CA1: variants seen among roughly 807,000 people sequenced by gnomAD.
CA1 encodes carbonate dehydratase I.
In CA1, 27 loss-of-function variants were observed where a neutral mutation model predicts 28.8. The ratio of observed to expected loss-of-function variants is 0.94; its 90% CI spans 0.69 to 1.29. CA1 has a LOEUF of 1.29. CA1 is among the 50% of genes most tolerant of loss of function. The probability of loss-of-function intolerance (pLI) is 0.00; values close to 1 mark genes in which losing one functional copy is unlikely to be tolerated. For synonymous variants in CA1, 121 were observed against 108.8 expected, an observed-to-expected ratio of 1.11 and a Z score of -0.70; for missense variants, 335 against 310.5, an observed-to-expected ratio of 1.08 and a Z score of -0.59.
chr8:85,341,705 T>C, intron 1 of CA1, 46 bp from the exon 2 acceptor site: 1 of 1,017,598 alleles, frequency 9.8e-7, no homozygotes, highest in East Asian at 2.4e-5. Context: ...CAACTGTGCA[T>C]GCAGGAGATG....
At chr8:85,361,788 A>G (rs966552620) in intron 1 of CA1, among the ~76,000 whole-genome samples, 1 of 152,188 alleles carries the variant, frequency 6.6e-6, no homozygotes, top group African/African-American at 2.4e-5. Context: ...TGTGGATTGC[A>G]CCTCATCCTT....
chr8:85,344,277 A>T (rs1490126810), intron 1 of CA1, among the ~76,000 whole-genome samples: 1 of 63,796 alleles, frequency 1.6e-5, no homozygotes. Flanking sequence ...ATATATAATT[A>T]TATATTATAT....
intron 1 of CA1, among the ~76,000 whole-genome samples, chr8:85,346,539 A>C (rs1488503165): frequency 1.3e-5 from 2 of 152,144 alleles, no homozygotes; most frequent in African/African-American, 2.4e-5. Context: ...AGACCGGTGG[A>C]TCACCTGAGT....
chr8:85,339,303 A>C (rs1397621177), intron 2 of CA1, among the ~76,000 whole-genome samples: 1 of 152,172 alleles, frequency 6.6e-6, no homozygotes, highest in Non-Finnish European at 1.5e-5. Context: ...TAATTCTCAC[A>C]ATATTTTAAA....
chr8:85,350,030 AG>A (rs1809346040), intron 1 of CA1: 1 of 152,174 alleles, frequency 6.6e-6, no homozygotes, highest in Non-Finnish European at 1.5e-5. Flanking sequence ...TTTATGCAAA[AG>A]GTTACTTGGG....
chr8:85,332,886 T>C (rs1397992818), intron 5 of CA1, among the ~76,000 whole-genome samples: 1 of 152,134 alleles, frequency 6.6e-6, no homozygotes, highest in Non-Finnish European at 1.5e-5. Context: ...GTTATATTAG[T>C]TTTCATTACT....
chr8:85,332,320 G>C (rs1808440013), intron 6 of CA1, 170 bp downstream of exon 6: 3 of 610,720 alleles, frequency 4.9e-6, no homozygotes, highest in Admixed American at 5.7e-5. Flanking sequence ...ACAATTCCCT[G>C]CATTAGAGAC....
intron 4 of CA1, among the ~76,000 whole-genome samples, chr8:85,336,421 T>A (rs1808655333): frequency 6.6e-6 from 1 of 152,114 alleles, no homozygotes; most frequent in South Asian, 2.1e-4. Flanking sequence ...TGTCCTGAAA[T>A]AAGTCACAAA....
Position 85,341,606 on chromosome 8 carries a change from GT to G in CA1, c.29del (p.Asp10AlafsTer36), listed in dbSNP as rs1460574405. The stretch of plus-strand genomic sequence containing the variant: ...AAACAGGAGAACTCTTACCATTTTT[GT>G]CATCATATCCCCAGTCTGGACTTGC... MASPDWGYDDKNGPEQWSKL... is the reference protein window; with the variant it reads MASPDWGYDXKNGPEQWSKL... On this transcript the variant is annotated frameshift_variant, in exon 2 of 8. Transcript: ENST00000523022. LOFTEE classifies it high-confidence loss of function. The G allele has an allele frequency of 1.3e-6, 2 of 1,591,612 alleles. No homozygotes were observed. The highest frequency in any genetic ancestry group is 8.6e-7 in the Non-Finnish European group (1 of 1,159,988).
chr8:85,377,861 G>T (rs74992453), intron 1 of CA1, among the ~76,000 whole-genome samples, 185 bp downstream of exon 1: 2,372 of 152,196 alleles, frequency 0.016, 29 homozygotes, highest in South Asian at 0.049. Context: ...ACAGAGATCT[G>T]CTTGATAAAT....
At chr8:85,344,124 T>TA (rs1809034903) in intron 1 of CA1, among the ~76,000 whole-genome samples, 1 of 137,926 alleles carries the variant, frequency 7.3e-6, no homozygotes, top group Non-Finnish European at 1.5e-5. Flanking sequence ...ATATATAAAA[T>TA]TTAAATTTAT....
chr8:85,370,991 C>T (rs1810201779), intron 1 of CA1, among the ~76,000 whole-genome samples: 1 of 152,172 alleles, frequency 6.6e-6, no homozygotes, highest in Non-Finnish European at 1.5e-5. Context: ...CTGCATTTAA[C>T]ATATGACACA....
intron 1 of CA1, 43 bp from the exon 2 acceptor site, chr8:85,341,702 G>A: frequency 9.5e-7 from 1 of 1,056,430 alleles, no homozygotes; most frequent in Non-Finnish European, 1.5e-6. Flanking sequence ...CTGCAACTGT[G>A]CATGCAGGAG....
chr8:85,374,951 A>G (rs1237717977), intron 1 of CA1, among the ~76,000 whole-genome samples: 8 of 152,166 alleles, frequency 5.3e-5, no homozygotes, highest in Non-Finnish European at 1.0e-4. Context: ...CAGCCCCTCC[A>G]ATACCACCTG....
chr8:85,362,766 G>A (rs1356958627), intron 1 of CA1, among the ~76,000 whole-genome samples: 1 of 152,186 alleles, frequency 6.6e-6, no homozygotes, highest in Non-Finnish European at 1.5e-5. Flanking sequence ...TCAATTGGCT[G>A]TAGTTGATGT....
At chr8:85,336,336 A>G (rs1041844442) in intron 4 of CA1, among the ~76,000 whole-genome samples, 4 of 152,226 alleles carry the variant, frequency 2.6e-5, no homozygotes, top group Non-Finnish European at 5.9e-5. Context: ...AATTTCTCAC[A>G]TTTTAATCTC....
At chr8:85,359,618 G>A (rs560155843) in intron 1 of CA1, among the ~76,000 whole-genome samples, 8 of 152,338 alleles carry the variant, frequency 5.3e-5, no homozygotes, top group East Asian at 3.9e-4. Context: ...TGGAAATGAC[G>A]TGAGACAGGA....
intron 4 of CA1, among the ~76,000 whole-genome samples, chr8:85,334,137 A>G (rs973488662): frequency 6.6e-6 from 1 of 152,190 alleles, no homozygotes; most frequent in African/African-American, 2.4e-5. Context: ...GTATGTATAT[A>G]TGTATTCTTG....
At chr8:85,346,188 G>A (rs1259547072) in intron 1 of CA1, among the ~76,000 whole-genome samples, 1 of 152,072 alleles carries the variant, frequency 6.6e-6, no homozygotes, top group African/African-American at 2.4e-5. Flanking sequence ...TGACTGTCAT[G>A]CTAATTGAAA....
Sources: gnomAD v4.1 joint callset for allele counts (sites outside exome capture counted in the v4.1 genomes callset) on GRCh38, gnomAD v4.1.1 for gene constraint, MANE v1.5 for transcripts, NCBI Gene and HGNC (gene_info 2026-07-23, HGNC 2026-07-21) for gene names.